Variants in MAP3K12 observed in about 807,000 individuals in gnomAD.
The protein encoded by MAP3K12 is MAPK-upstream kinase.
Under a neutral mutation model 87.5 loss-of-function variants are expected in MAP3K12, and 14 were observed. The ratio of observed to expected loss-of-function variants is 0.16; its 90% CI spans 0.11 to 0.25. The LOEUF is 0.25. MAP3K12 is among the 10% of genes least tolerant of loss of function. The pLI, the probability that MAP3K12 is intolerant of heterozygous loss-of-function variation, is 1.00. For synonymous variants in MAP3K12, 469 were observed against 452.5 expected (o/e 1.04, Z -0.46); for missense variants, 802 against 1,140.4 (o/e 0.70, Z 4.27).
At chr12:53,481,912 T>TATC in intron 13 of MAP3K12, 29 bp downstream of exon 13, 2 of 1,603,092 alleles carry the variant, frequency 1.2e-6, no homozygotes, top group Non-Finnish European at 1.7e-6. Context: ...CCCTGTTCAA[T>TATC]ATCTGCTTTT....
chr12:53,482,129 T>C lies in MAP3K12; in HGVS notation c.2392A>G (p.Ser798Gly). ...GGTGTGCCACTGGGGGAAGGTTCAC[T>C]AGCTGTGCCTTCCTCCCCATCTGAT... ...NPSDGEEGTASEPSPSGTPEV... is the reference protein window; with the variant it reads ...NPSDGEEGTAGEPSPSGTPEV... The change falls in exon 13 of 14, where the codon AGT becomes GGT. Residue 798 changes from serine (S) to glycine (G), a missense_variant. Ser to Gly is a moderately conservative substitution (Grantham distance 56). Transcript: ENST00000547488. 6.2e-7 allele frequency: 1 copy of C among 1,614,222 alleles called. No individual in the cohort carries two copies. Among genetic ancestry groups the C allele is most frequent in the Non-Finnish European group, 8.5e-7 (1 of 1,180,034 alleles).
rs368238649 is a variant in MAP3K12 at position 53,485,303 on chromosome 12, A to G, written c.980+14T>C. ...TGGCCACCCACTCTTCTCAGTTTTC[A>G]GCCTAGTTCTCACCAGATGTCGACC... On this transcript the variant is annotated intron_variant, in intron 5 of 13. Coordinates refer to ENST00000547488, the MANE Select transcript of MAP3K12 (RefSeq NM_001193511.2). The G allele has an allele frequency of 1.0e-4, 165 of 1,610,108 alleles. 1 individual carries two copies. The highest frequency in any genetic ancestry group is 3.3e-4 in the Middle Eastern group (2 of 6,040).
Position 53,481,747 on chromosome 12 carries a change from A to G in MAP3K12, c.2580+194T>C, listed in dbSNP as rs947559659. The stretch of plus-strand genomic sequence containing the variant: ...CATTCCCTGGCTGCAATTTATAGCT[A>G]CATGCAAGCTACTGGTCAGGCATCG... On this transcript the variant is annotated intron_variant, in intron 13 of 13. Coordinates refer to ENST00000547488, the MANE Select transcript of MAP3K12 (RefSeq NM_001193511.2). 5 of 621,762 alleles carry G rather than the reference A, an allele frequency of 8.0e-6. No homozygotes were observed. The South Asian group carries it at 8.8e-5, about 11-fold the overall frequency. 38.5% of individuals were successfully genotyped at this position (621,762 alleles called of 1,614,324 possible).
In MAP3K12 at chr12:53,483,377, G is replaced by T. The variant is rs778044880; in HGVS notation, c.1585C>A (p.Pro529Thr). 59 of 1,614,024 alleles carry T rather than the reference G, an allele frequency of 3.7e-5. No individual in the cohort carries two copies. Among genetic ancestry groups the T allele is most frequent in the Non-Finnish European group, 4.6e-5 (54 of 1,180,030 alleles). ...TTGCTATGGGGTGACAGCTTCTGTG[G>T]CACATTCCTCTTCTTGATAAGCTTC... ...MEKLIKKRNV[P>T]QKLSPHSKRP... The change falls in exon 10 of 14, where the codon CCA becomes ACA. Residue 529 changes from proline (P) to threonine (T), a missense_variant. Around this residue, in one of 5 missense-constraint regions of MAP3K12, gnomAD observed 490 missense variants for 496.6 expected, o/e 0.99. Transcript: ENST00000547488.
At chr12:53,495,551 A>T (rs2137236562) in intron 1 of MAP3K12, among the ~76,000 whole-genome samples, 1 of 149,556 alleles carries the variant, frequency 6.7e-6, no homozygotes, top group Admixed American at 6.6e-5. Flanking sequence ...CAAAAAAAAA[A>T]AAAAAAAAAA....
chr12:53,485,592 G>C, intron 4 of MAP3K12, 117 bp from the exon 5 acceptor site: 1 of 1,188,768 alleles, frequency 8.4e-7, no homozygotes, highest in Admixed American at 2.0e-5. Context: ...GTCTCACTCT[G>C]TCACTCAGGC....
chr12:53,482,414 G>GA (rs1565883159), intron 11 of MAP3K12, 45 bp from the exon 12 acceptor site: 1 of 1,610,458 alleles, frequency 6.2e-7, no homozygotes, highest in Admixed American at 1.7e-5. Context: ...GAAGTGGAAA[G>GA]AGGTCACTAA....
Position 53,482,907 on chromosome 12 carries a change from A to G in MAP3K12, c.1896T>C (p.His632=), listed in dbSNP as rs777812158. ...ACPPALRGLH[H]DLLLRKMSSS... ...AAGACATTTTGCGGAGCAGGAGGTC[A>G]TGATGAAGCCCACGGAGGGCGGGAG... Residue 632 remains histidine, a synonymous_variant, in exon 11 of 14, where the codon CAT becomes CAC. Coordinates refer to ENST00000547488, the MANE Select transcript of MAP3K12 (RefSeq NM_001193511.2). 26 of 1,610,792 alleles carry G rather than the reference A, an allele frequency of 1.6e-5. No individual in the cohort carries two copies. Among genetic ancestry groups the G allele is most frequent in the Non-Finnish European group, 2.1e-5 (25 of 1,179,828 alleles).
chr12:53,482,515 G>A, intron 11 of MAP3K12, 50 bp downstream of exon 11: 1 of 1,596,996 alleles, frequency 6.3e-7, no homozygotes, highest in Non-Finnish European at 8.5e-7. Flanking sequence ...TTGGACCCCA[G>A]GGAGGATAAG....
rs1306536944 is a variant in MAP3K12 at position 53,482,229 on chromosome 12, G to A, written c.2310-18C>T. On this transcript the variant is annotated intron_variant, in intron 12 of 13. Transcript: ENST00000547488. ...GAGGCCACCTACATGTTGAAGAGGG[G>A]GATTACAGCTTGGTTCTGCCCCTAG... is the stretch of plus-strand genomic sequence containing the variant. 3 of 1,614,070 alleles carry A rather than the reference G, an allele frequency of 1.9e-6. No individual in the cohort carries two copies. Among genetic ancestry groups the A allele is most frequent in the Non-Finnish European group, 2.5e-6 (3 of 1,179,990 alleles).
In MAP3K12 at chr12:53,481,985, G is replaced by T; in HGVS notation, c.2536C>A (p.Pro846Thr). Residue 846 changes from proline (P) to threonine (T), a missense_variant, in exon 13 of 14, where the codon CCC becomes ACC. Pro to Thr is a conservative substitution (Grantham distance 38). Around this residue, in one of 5 missense-constraint regions of MAP3K12, gnomAD observed 490 missense variants for 496.6 expected, o/e 0.99. Transcript: ENST00000547488. The stretch of plus-strand genomic sequence containing the variant: ...TGGTGTGGAATGGGCAGGGAGCTGG[G>T]TTCAGGGCCAGGGATGACCTCTGAA... ...PPSEVIPGPEPSSLPIPHQEL... is the reference protein window; with the variant it reads ...PPSEVIPGPETSSLPIPHQEL... 2 of 1,614,204 alleles carry T rather than the reference G, an allele frequency of 1.2e-6. No individual in the cohort carries two copies. The highest frequency in any genetic ancestry group is 2.2e-5 in the South Asian group (2 of 91,084).
chr12:53,489,079 CAAAAAA>C lies in MAP3K12; in HGVS notation c.-37-1657_-37-1652del, dbSNP rs925604046. Among the ~76,000 whole-genome samples, 15 of 46,434 alleles carry C rather than the reference CAAAAAA, an allele frequency of 3.2e-4. 2 individuals carry two copies. The highest frequency in any genetic ancestry group is 1.4e-3 in the South Asian group (2 of 1,388). 30.5% of individuals were successfully genotyped at this position (46,434 alleles called of 152,430 possible). On this transcript the variant is annotated intron_variant, in intron 1 of 13. Coordinates refer to ENST00000547488, the MANE Select transcript of MAP3K12 (RefSeq NM_001193511.2). The stretch of plus-strand genomic sequence containing the variant: ...TGGGCGACAGAGTGAAACTCTGTCT[CAAAAAA>C]AAAAAAAAAAAAAAAAGTTTGAGAC...
chr12:53,484,520 T>G, intron 6 of MAP3K12, 155 bp from the exon 7 acceptor site: 1 of 620,786 alleles, frequency 1.6e-6, no homozygotes, highest in Non-Finnish European at 2.9e-6. Flanking sequence ...TAGAGAATAT[T>G]ACACACTATT....
At chr12:53,499,106 A>G (rs1943616113) in intron 1 of MAP3K12, among the ~76,000 whole-genome samples, 1 of 150,734 alleles carries the variant, frequency 6.6e-6, no homozygotes, top group African/African-American at 2.4e-5. Flanking sequence ...GATGAGTGGG[A>G]GGAGATGTTC....
In MAP3K12 at chr12:53,482,786, C is replaced by T. The variant is rs55794887; in HGVS notation, c.2017G>A (p.Gly673Ser). The change falls in exon 11 of 14, where the codon GGT (glycine) becomes AGT (serine). Residue 673 changes from glycine (G) to serine (S), a missense_variant. Around this residue, in one of 5 missense-constraint regions of MAP3K12, gnomAD observed 490 missense variants for 496.6 expected, o/e 0.99. Transcript: ENST00000547488. ...GDPGSPPPARGDTPPSEGSAP... is the reference protein window; with the variant it reads ...GDPGSPPPARSDTPPSEGSAP... The stretch of plus-strand genomic sequence containing the variant: ...GAGCCCTCACTTGGTGGGGTGTCAC[C>T]CCGGGCCGGAGGTGGTGAGCCAGGA... 1.3e-3 allele frequency: 2,057 copies of T among 1,613,006 alleles called. 30 individuals carry two copies. The African/African-American group carries it at 0.024, about 19-fold the overall frequency.
chr12:53,485,623 T>C (rs1202128924), intron 4 of MAP3K12, 148 bp from the exon 5 acceptor site: 1 of 837,862 alleles, frequency 1.2e-6, no homozygotes, highest in Non-Finnish European at 1.9e-6. Context: ...TGGCTCAATC[T>C]CGGCTCACTG....
At chr12:53,494,141 G>T (rs1402529988) in intron 1 of MAP3K12, among the ~76,000 whole-genome samples, 1 of 152,210 alleles carries the variant, frequency 6.6e-6, no homozygotes, top group Non-Finnish European at 1.5e-5. Context: ...CCAGAGCTTT[G>T]GAGGGGCGTC....
intron 1 of MAP3K12, among the ~76,000 whole-genome samples, chr12:53,494,656 G>A (rs1456198706): frequency 6.6e-6 from 1 of 152,122 alleles, no homozygotes; most frequent in Non-Finnish European, 1.5e-5. Flanking sequence ...TAAATCTTGG[G>A]CTCTCACACT....
chr12:53,486,685 G>C lies in MAP3K12; in HGVS notation c.446-63C>G. The stretch of plus-strand genomic sequence containing the variant: ...GAGCCACACTCAAGGCCAGGGACAG[G>C]ATAGCATTGGGTTGGCTGAATTGAC... On this transcript the variant is annotated intron_variant, in intron 2 of 13. Coordinates refer to ENST00000547488, the MANE Select transcript of MAP3K12 (RefSeq NM_001193511.2). This position sits in a 1 kb window ranked among gnomAD's most constrained non-coding sequence, Gnocchi z 4.9. 6.7e-7 allele frequency: 1 copy of C among 1,493,048 alleles called. No individual in the cohort carries two copies. 92.5% of individuals were successfully genotyped at this position (1,493,048 alleles called of 1,614,324 possible).
Sources: gnomAD v4.1 joint callset for allele counts (sites outside exome capture counted in the v4.1 genomes callset) on GRCh38, gnomAD v4.1.1 for gene constraint, gnomAD v4.1.1 regional missense constraint, Gnocchi (gnomAD v3.1) non-coding constraint, MANE v1.5 for transcripts, NCBI Gene and HGNC (gene_info 2026-07-23, HGNC 2026-07-21) for gene names.